SMAP1: variants seen among roughly 807,000 people sequenced by gnomAD.
SMAP1 encodes stromal membrane-associated protein 1.
In SMAP1, 24 loss-of-function variants were observed where a neutral mutation model predicts 58.5. The observed-to-expected ratio is 0.41, with a 90% CI of 0.30 to 0.58. The LOEUF (loss-of-function observed/expected upper bound fraction) is 0.58, where lower values mean the gene tolerates loss of function less well. SMAP1 is among the 20% of genes least tolerant of loss of function. The pLI, the probability that SMAP1 is intolerant of heterozygous loss-of-function variation, is 0.29. For missense variants in SMAP1, 563 were observed against 566.3 expected (o/e 0.99, Z 0.06); for synonymous variants, 216 against 196.6 (o/e 1.10, Z -0.82).
intron 6 of SMAP1, among the ~76,000 whole-genome samples, chr6:70,823,097 G>A (rs1430635132): frequency 6.6e-6 from 1 of 152,088 alleles, no homozygotes; most frequent in Non-Finnish European, 1.5e-5. Context: ...TTCATGGTCT[G>A]ATAATTCCAA....
chr6:70,729,829 G>A, intron 1 of SMAP1, among the ~76,000 whole-genome samples: 1 of 152,142 alleles, frequency 6.6e-6, no homozygotes, highest in South Asian at 2.1e-4. Flanking sequence ...TTGAATGCTT[G>A]AGTTAAAGAT....
At chr6:70,748,383 C>CACACAAAT (rs1160847350) in intron 2 of SMAP1, among the ~76,000 whole-genome samples, 1 of 151,988 alleles carries the variant, frequency 6.6e-6, no homozygotes, top group Non-Finnish European at 1.5e-5. Flanking sequence ...TCCCCCCTCC[C>CACACAAAT]ACACAAATAC....
intron 1 of SMAP1, among the ~76,000 whole-genome samples, chr6:70,717,845 A>G (rs931483183): frequency 2.0e-5 from 3 of 152,184 alleles, no homozygotes; most frequent in African/African-American, 4.8e-5. Context: ...TTTCCTGGGT[A>G]TATTCTCTTA....
chr6:70,723,061 T>C (rs1156913920), intron 1 of SMAP1, among the ~76,000 whole-genome samples: 1 of 152,242 alleles, frequency 6.6e-6, no homozygotes, highest in African/African-American at 2.4e-5. Context: ...AGTAAACTTT[T>C]ATTATATTTT....
intron 10 of SMAP1, chr6:70,859,031 A>G: frequency 4.6e-6 from 1 of 216,890 alleles, no homozygotes; most frequent in Non-Finnish European, 9.1e-6. Flanking sequence ...CTTCCCATTG[A>G]TGTTCCTCCA....
rs1442033585 is a variant in SMAP1, at chr6:70,860,354, A to C, written c.*20A>C. 6.3e-7 allele frequency: 1 copy of C among 1,596,340 alleles called. No homozygotes were observed. The highest frequency in any genetic ancestry group is 8.5e-7 in the Non-Finnish European group (1 of 1,171,878). Reference sequence around the variant, plus strand: ...AAATGAAAACTGCAATACAAGTTTCATCCAGAACTACCACCTGACATTCCT... The same window carrying C: ...AAATGAAAACTGCAATACAAGTTTCCTCCAGAACTACCACCTGACATTCCT... On this transcript the variant is annotated 3_prime_UTR_variant, in exon 11 of 11. Coordinates refer to ENST00000370455, the MANE Select transcript of SMAP1 (RefSeq NM_001044305.3).
chr6:70,763,106 CT>C (rs35936929), intron 3 of SMAP1, among the ~76,000 whole-genome samples: 18,171 of 83,910 alleles, frequency 0.22, 2,143 homozygotes, highest in East Asian at 0.51. Flanking sequence ...ACAGATATTA[CT>C]TTTTTTTTTT....
At chr6:70,811,226 T>A (rs1214677002) in intron 6 of SMAP1, among the ~76,000 whole-genome samples, 4 of 152,184 alleles carry the variant, frequency 2.6e-5, no homozygotes, top group African/African-American at 9.7e-5. Flanking sequence ...TTTTTGGACA[T>A]TTCTGAGTAC....
chr6:70,822,031 AAAGAAAGG>A (rs1769913501), intron 6 of SMAP1, among the ~76,000 whole-genome samples: 1 of 152,198 alleles, frequency 6.6e-6, no homozygotes, highest in Non-Finnish European at 1.5e-5. Context: ...CTAGTTAATG[AAAGAAAGG>A]CTTTTGTTCA....
intron 7 of SMAP1, among the ~76,000 whole-genome samples, chr6:70,840,754 G>A (rs191322903): frequency 2.0e-5 from 3 of 152,330 alleles, no homozygotes; most frequent in Admixed American, 2.0e-4. Context: ...ACCATAAACA[G>A]GGTGAGATAC....
At chr6:70,767,213 T>A (rs922098062) in intron 3 of SMAP1, among the ~76,000 whole-genome samples, 6 of 151,992 alleles carry the variant, frequency 3.9e-5, no homozygotes, top group East Asian at 3.9e-4. Context: ...TGGCTTAGGA[T>A]TGACTTGGCG....
chr6:70,825,605 G>A (rs182110127), intron 6 of SMAP1, among the ~76,000 whole-genome samples: 38 of 152,262 alleles, frequency 2.5e-4, no homozygotes, highest in African/African-American at 8.9e-4. Flanking sequence ...AATCCATAGA[G>A]TCTTACGAAC....
intron 6 of SMAP1, among the ~76,000 whole-genome samples, chr6:70,800,011 C>G (rs1350490117): frequency 1.3e-5 from 2 of 152,016 alleles, no homozygotes; most frequent in Non-Finnish European, 2.9e-5. Flanking sequence ...AGAATGAGGC[C>G]CAGTGCCTTT....
intron 6 of SMAP1, among the ~76,000 whole-genome samples, chr6:70,822,881 A>G (rs937705437): frequency 1.1e-4 from 17 of 150,158 alleles, no homozygotes; most frequent in Admixed American, 3.3e-4. Context: ...GTTTGTATTG[A>G]TGTATCCTCA....
intron 8 of SMAP1, among the ~76,000 whole-genome samples, chr6:70,853,442 G>A (rs1771265792): frequency 6.6e-6 from 1 of 152,064 alleles, no homozygotes; most frequent in African/African-American, 2.4e-5. Context: ...TAATTTTTGA[G>A]ATAAAATATT....
intron 1 of SMAP1, among the ~76,000 whole-genome samples, chr6:70,726,735 A>G (rs916032303): frequency 1.3e-5 from 2 of 152,104 alleles, no homozygotes; most frequent in Non-Finnish European, 2.9e-5. Flanking sequence ...TTAGACATGT[A>G]ATGTCTTTTA....
intron 1 of SMAP1, among the ~76,000 whole-genome samples, chr6:70,686,072 A>G (rs1182615842): frequency 4.6e-5 from 7 of 152,102 alleles, no homozygotes; most frequent in Admixed American, 3.9e-4. Flanking sequence ...GAGGAACTAG[A>G]AAACGCCATT....
chr6:70,720,637 A>G (rs61001507), intron 1 of SMAP1, among the ~76,000 whole-genome samples: 17,695 of 152,228 alleles, frequency 0.12, 1,906 homozygotes, highest in East Asian at 0.55. Context: ...TACATCTTCT[A>G]AAATCTAGGA....
intron 7 of SMAP1, among the ~76,000 whole-genome samples, chr6:70,841,174 A>G (rs1582292429): frequency 1.3e-5 from 2 of 152,324 alleles, no homozygotes; most frequent in African/African-American, 2.4e-5. Context: ...GGGCGAGCAC[A>G]TGCTTTGGGC....
Sources: allele counts gnomAD v4.1 joint callset (sites outside exome capture counted in the v4.1 genomes callset), GRCh38; gene constraint gnomAD v4.1.1; transcripts MANE v1.5; gene names NCBI Gene and HGNC (gene_info 2026-07-23, HGNC 2026-07-21).